The following IL17RA variants were observed in gnomAD, a reference collection of about 807,000 sequenced individuals.
IL17RA encodes the protein interleukin 17 receptor A, also known as interleukin-17 receptor A.
In IL17RA, 34 loss-of-function variants were observed where a neutral mutation model predicts 50.4. The ratio of observed to expected loss-of-function variants is 0.67; its 90% CI spans 0.51 to 0.90. IL17RA has a LOEUF of 0.90. Among genes scored for constraint, IL17RA ranks in the 40% least tolerant of loss-of-function variants. The probability of loss-of-function intolerance (pLI) is 0.00; values close to 1 mark genes in which losing one functional copy is unlikely to be tolerated. For missense variants in IL17RA, 1,276 were observed against 1,169.8 expected (o/e 1.09, Z -1.32); for synonymous variants, 585 against 510.4 (o/e 1.15, Z -1.97).
Position 17,113,546 on chromosome 22 carries a change from T to A in IL17RA, c.*3726T>A, listed in dbSNP as rs2061454055. The A allele has an allele frequency of 6.6e-6, 1 of 152,278 alleles. No homozygotes were observed. Among genetic ancestry groups the A allele is most frequent in the South Asian group, 2.1e-4 (1 of 4,838 alleles). The allele number at this position is 152,278 out of a possible 1,614,324, so 9.4% of individuals were successfully genotyped here. ...AAATAGGGCATAAGAGAGAAGAAGATGTACTTACAATGCAGTGGGTGGTTT... is the reference window on the plus strand; with the variant it reads ...AAATAGGGCATAAGAGAGAAGAAGAAGTACTTACAATGCAGTGGGTGGTTT... On this transcript the variant is annotated 3_prime_UTR_variant, in exon 13 of 13. Coordinates refer to ENST00000319363, the MANE Select transcript of IL17RA (RefSeq NM_014339.7).
Position 17,108,692 on chromosome 22 carries a change from G to A in IL17RA, c.1473G>A (p.Lys491=). Residue 491 remains lysine (K), a synonymous_variant, in exon 13 of 13, where the codon AAG becomes AAA. Coordinates refer to ENST00000319363, the MANE Select transcript of IL17RA (RefSeq NM_014339.7). The part of the protein sequence containing the change: ...AAMNMILPDF[K]RPACFGTYVV... The stretch of plus-strand genomic sequence containing the variant: ...TGAACATGATCCTCCCGGACTTCAA[G>A]AGGCCAGCCTGCTTCGGCACCTACG... 1 of 1,609,424 alleles carries A rather than the reference G, an allele frequency of 6.2e-7. No individual in the cohort carries two copies. The highest frequency in any genetic ancestry group is 8.5e-7 in the Non-Finnish European group (1 of 1,179,864).
chr22:17,106,688 C>T (rs2061416171), intron 11 of IL17RA, among the ~76,000 whole-genome samples: 1 of 152,152 alleles, frequency 6.6e-6, no homozygotes, highest in Non-Finnish European at 1.5e-5. Context: ...GAAGCTGTTT[C>T]CACCCTTCCC....
Position 17,108,900 on chromosome 22 carries a change from A to G in IL17RA, c.1681A>G (p.Ser561Gly). 9 of 1,611,462 alleles carry G rather than the reference A, an allele frequency of 5.6e-6. No individual in the cohort carries two copies. Among genetic ancestry groups the G allele is most frequent in the Non-Finnish European group, 7.6e-6 (9 of 1,179,304 alleles). ...GELSGDNYLR[S>G]PGGRQLRAAL... Reference sequence around the variant, plus strand: ...GCTGTCGGGGGACAACTACCTGCGGAGCCCGGGCGGCAGGCAGCTCCGCGC... The same window carrying G: ...GCTGTCGGGGGACAACTACCTGCGGGGCCCGGGCGGCAGGCAGCTCCGCGC... Residue 561 changes from serine (S) to glycine (G), a missense_variant, in exon 13 of 13, where the codon AGC becomes GGC. Coordinates refer to ENST00000319363, the MANE Select transcript of IL17RA (RefSeq NM_014339.7).
chr22:17,090,508 CAAA>C (rs2061344451), intron 1 of IL17RA, among the ~76,000 whole-genome samples: 1 of 152,044 alleles, frequency 6.6e-6, no homozygotes, highest in Non-Finnish European at 1.5e-5. Context: ...ATGTTTAAAA[CAAA>C]AAACAGTAGA....
intron 5 of IL17RA, 90 bp downstream of exon 5, chr22:17,100,571 C>T: frequency 6.6e-7 from 1 of 1,523,656 alleles, no homozygotes; most frequent in Non-Finnish European, 9.0e-7. Context: ...CCCTGCTCAG[C>T]AAGACATTGG....
At position 17,102,163 on chromosome 22, in the gene IL17RA, C is replaced by T. The variant is rs1260203473; in HGVS notation, c.623C>T (p.Thr208Ile). The change falls in exon 7 of 13, where the codon ACC (threonine) becomes ATC (isoleucine). Residue 208 changes from threonine to isoleucine, a missense_variant. By Grantham distance (89) the Thr-to-Ile change is moderately conservative. Coordinates refer to ENST00000319363, the MANE Select transcript of IL17RA (RefSeq NM_014339.7). ...SSGSLWDPNI[T>I]VETLEAHQLR... Reference sequence around the variant, plus strand: ...GGCAGCCTGTGGGACCCCAACATCACCGTGGAGACCCTGGAGGCCCACCAG... The same window carrying T: ...GGCAGCCTGTGGGACCCCAACATCATCGTGGAGACCCTGGAGGCCCACCAG... 8.1e-6 allele frequency: 13 copies of T among 1,614,052 alleles called. No homozygotes were observed. Among genetic ancestry groups the T allele is most frequent in the Middle Eastern group, 1.6e-4 (1 of 6,084 alleles).
chr22:17,095,812 C>T (rs760411806), intron 1 of IL17RA, among the ~76,000 whole-genome samples: 23 of 152,048 alleles, frequency 1.5e-4, no homozygotes, highest in Non-Finnish European at 2.9e-4. Context: ...CTGAACAGGG[C>T]GAGAAGCACT....
intron 11 of IL17RA, 106 bp from the exon 12 acceptor site, chr22:17,107,621 C>T: frequency 1.0e-6 from 1 of 973,644 alleles, no homozygotes; most frequent in Non-Finnish European, 1.7e-6. Flanking sequence ...CTCGGGGCTG[C>T]CCCCTTACCC....
At chr22:17,101,800 C>G (rs1256442421) in intron 5 of IL17RA, among the ~76,000 whole-genome samples, 196 bp from the exon 6 acceptor site, 1 of 152,198 alleles carries the variant, frequency 6.6e-6, no homozygotes, top group Non-Finnish European at 1.5e-5. Context: ...CAGGAGGGTT[C>G]CCCGAGAGAT....
intron 9 of IL17RA, among the ~76,000 whole-genome samples, 192 bp downstream of exon 9, chr22:17,105,002 T>C (rs1285879665): frequency 2.6e-5 from 4 of 152,200 alleles, no homozygotes; most frequent in Non-Finnish European, 2.9e-5. Context: ...CTCCTGGCTG[T>C]CTTTCATTAG....
At position 17,109,548 on chromosome 22, in the gene IL17RA, G is replaced by A; in HGVS notation, c.2329G>A (p.Asp777Asn). The change falls in exon 13 of 13, where the codon GAC becomes AAC. Residue 777 changes from aspartate (D) to asparagine (N), a missense_variant. Coordinates refer to ENST00000319363, the MANE Select transcript of IL17RA (RefSeq NM_014339.7). Reference protein sequence around the residue: ...GCSRPAMVLTDPHTPYEEEQR... With the variant: ...GCSRPAMVLTNPHTPYEEEQR... ...CAGTAGACCCGCCATGGTCCTCACA[G>A]ACCCACACACGCCCTACGAGGAGGA... The A allele has an allele frequency of 6.2e-6, 10 of 1,600,420 alleles. No individual in the cohort carries two copies. The highest frequency in any genetic ancestry group is 8.5e-6 in the Non-Finnish European group (10 of 1,173,544).
At position 17,109,801 on chromosome 22, in the gene IL17RA, CAGAG is replaced by C. The variant is rs2061433091; in HGVS notation, c.2583_2586del (p.Glu862GlyfsTer42). Reference sequence around the variant, plus strand: ...GGCTGGGACACGATGGGGTCAGAGTCAGAGGGGCCCAGTGCATGAGGGCGGCTCC... The same window carrying C: ...GGCTGGGACACGATGGGGTCAGAGTCGGGCCCAGTGCATGAGGGCGGCTCC... On this transcript the variant is annotated frameshift_variant, in exon 13 of 13. Coordinates refer to ENST00000319363, the MANE Select transcript of IL17RA (RefSeq NM_014339.7). LOFTEE classifies it high-confidence loss of function. 6.5e-7 allele frequency: 1 copy of C among 1,549,842 alleles called. No individual in the cohort carries two copies. The highest frequency in any genetic ancestry group is 2.4e-5 in the East Asian group (1 of 40,956).
In IL17RA at chr22:17,109,884, A is replaced by C; in HGVS notation, c.*64A>C. ...GAGAGGAGTGTGTGTGCACGTATTC[A>C]TCTGTGTGTACATGTCTGCATGTGT... On this transcript the variant is annotated 3_prime_UTR_variant, in exon 13 of 13. Coordinates refer to ENST00000319363, the MANE Select transcript of IL17RA (RefSeq NM_014339.7). 7.2e-7 allele frequency: 1 copy of C among 1,397,932 alleles called. No individual in the cohort carries two copies. The highest frequency in any genetic ancestry group is 2.5e-5 in the East Asian group (1 of 40,206). 86.6% of individuals were successfully genotyped at this position (1,397,932 alleles called of 1,614,324 possible). A position where few individuals can be genotyped will look rare whatever the true frequency, so the allele number is the denominator to read the frequency against.
rs774837397 is a variant in IL17RA at position 17,114,128 on chromosome 22, T to C, written c.*4308T>C. On this transcript the variant is annotated 3_prime_UTR_variant, in exon 13 of 13. Coordinates refer to ENST00000319363, the MANE Select transcript of IL17RA (RefSeq NM_014339.7). ...AAAAATGGCAACAATATGGATTCCA[T>C]GGGTATATTTTATAGAAGAATATGA... 2 of 152,184 alleles carry C rather than the reference T, an allele frequency of 1.3e-5. No homozygotes were observed. The highest frequency in any genetic ancestry group is 2.9e-5 in the Non-Finnish European group (2 of 68,040). The allele number at this position is 152,184 out of a possible 1,614,324, so 9.4% of individuals were successfully genotyped here.
In IL17RA at chr22:17,085,101, G is replaced by C; in HGVS notation, c.10G>C (p.Ala4Pro). 1.5e-6 allele frequency: 2 copies of C among 1,357,146 alleles called. No homozygotes were observed. The highest frequency in any genetic ancestry group is 6.1e-5 in the East Asian group (2 of 32,568). The allele number at this position is 1,357,146 out of a possible 1,614,324, so 84.1% of individuals were successfully genotyped here. A position where few individuals can be genotyped will look rare whatever the true frequency, so the allele number is the denominator to read the frequency against. The change falls in exon 1 of 13, where the codon GCA (alanine) becomes CCA (proline). Residue 4 changes from alanine (A) to proline (P), a missense_variant. Physicochemically the swap from Ala to Pro is conservative, Grantham distance 27. Coordinates refer to ENST00000319363, the MANE Select transcript of IL17RA (RefSeq NM_014339.7). MGA[A>P]RSPPSAVPGP... is the part of the protein sequence containing the mutation. The stretch of plus-strand genomic sequence containing the variant: ...CGACGCCAGCCGGGCCATGGGGGCC[G>C]CACGCAGCCCGCCGTCCGCTGTCCC...
At chr22:17,096,934 C>T in intron 1 of IL17RA, 128 bp from the exon 2 acceptor site, 1 of 854,092 alleles carries the variant, frequency 1.2e-6, no homozygotes, top group Non-Finnish European at 2.0e-6. Flanking sequence ...CATCCTATTC[C>T]CCAAAAAGTG....
Position 17,101,968 on chromosome 22 carries a change from AT to A in IL17RA, c.551-27del, listed in dbSNP as rs763502862. On this transcript the variant is annotated intron_variant, in intron 5 of 12. Coordinates refer to ENST00000319363, the MANE Select transcript of IL17RA (RefSeq NM_014339.7). ...ACAGATTTCTGAAGGCAGAGGCTTA[AT>A]GAGTTTCCTTTTTTCTGGGTCGACA... 1.9e-6 allele frequency: 3 copies of A among 1,614,148 alleles called. No homozygotes were observed. The South Asian group carries it at 3.3e-5, about 18-fold the overall frequency.
At chr22:17,108,027 C>G (rs566871794) in intron 12 of IL17RA, among the ~76,000 whole-genome samples, 1 of 152,214 alleles carries the variant, frequency 6.6e-6, no homozygotes, top group Non-Finnish European at 1.5e-5. Context: ...ACCAACAGAG[C>G]TTGGTGCCTC....
chr22:17,085,438 G>C (rs41470749), intron 1 of IL17RA, among the ~76,000 whole-genome samples: 2,042 of 152,146 alleles, frequency 0.013, 42 homozygotes, highest in African/African-American at 0.047. Flanking sequence ...GTGGAATACG[G>C]GGGGGGTGGG....
Sources: gnomAD v4.1 joint callset for allele counts (sites outside exome capture counted in the v4.1 genomes callset) on GRCh38, gnomAD v4.1.1 for gene constraint, MANE v1.5 for transcripts, NCBI Gene and HGNC (gene_info 2026-07-23, HGNC 2026-07-21) for gene names.